The following HUWE1 variants were observed in gnomAD, a reference collection of about 807,000 sequenced individuals.
HUWE1 encodes the protein E3 ubiquitin-protein ligase HUWE1.
HUWE1 carries 18 observed loss-of-function variants against 299.4 expected under a neutral mutation model. The ratio of observed to expected loss-of-function variants is 0.06; its 90% CI spans 0.04 to 0.09. The LOEUF is 0.09. HUWE1 is among the 10% of genes least tolerant of loss of function. The pLI is 1.00. For missense variants in HUWE1, 1,832 were observed against 3,462.3 expected, an observed-to-expected ratio of 0.53 and a Z score of 11.82; for synonymous variants, 1,317 against 1,286.1, an observed-to-expected ratio of 1.02 and a Z score of -0.51.
intron 7 of HUWE1, among the ~76,000 whole-genome samples, chrX:53,636,445 C>T (rs781933452): frequency 5.3e-5 from 6 of 112,927 alleles, no homozygotes; most frequent in South Asian, 7.3e-4. Context: ...CGGCCAGGTG[C>T]GGTGGCTCAT....
At chrX:53,581,063 C>T in intron 42 of HUWE1, 37 bp from the exon 43 acceptor site, 2 of 1,089,772 alleles carry the variant, frequency 1.8e-6, no homozygotes, top group Non-Finnish European at 1.2e-6. Flanking sequence ...CGATTAAACA[C>T]TACTTTCTAA....
intron 35 of HUWE1, 120 bp from the exon 36 acceptor site, chrX:53,589,936 G>T: frequency 1.3e-6 from 1 of 777,739 alleles, no homozygotes; most frequent in Non-Finnish European, 1.9e-6. Context: ...TCCTCAAGCG[G>T]TTGATACTTT....
At chrX:53,662,300 A>G (rs1280965510) in intron 3 of HUWE1, among the ~76,000 whole-genome samples, 1 of 112,002 alleles carries the variant, frequency 8.9e-6, no homozygotes, top group Non-Finnish European at 1.9e-5. Flanking sequence ...GCATAACCGC[A>G]GACAAATCCA....
intron 7 of HUWE1, among the ~76,000 whole-genome samples, chrX:53,640,956 G>A (rs781807535): frequency 8.9e-6 from 1 of 112,073 alleles, no homozygotes; most frequent in South Asian, 3.7e-4. Flanking sequence ...TGTGAATTCT[G>A]TCAGATGCTA....
intron 29 of HUWE1, among the ~76,000 whole-genome samples, chrX:53,595,783 G>T (rs2064427598): frequency 1.8e-5 from 2 of 111,831 alleles, no homozygotes; most frequent in Admixed American, 9.5e-5. Flanking sequence ...GATAAGAAAA[G>T]ATCACTGACA....
chrX:53,626,216 C>CGTGT (rs58080331), intron 17 of HUWE1, among the ~76,000 whole-genome samples: 1,239 of 94,912 alleles, frequency 0.013, 16 homozygotes, highest in African/African-American at 0.046. Context: ...CATACATACA[C>CGTGT]GTGTGTGTGT....
At chrX:53,626,802 G>A (rs1797448342) in intron 17 of HUWE1, among the ~76,000 whole-genome samples, 1 of 111,378 alleles carries the variant, frequency 9.0e-6, no homozygotes, top group Non-Finnish European at 1.9e-5. Flanking sequence ...AAGTAGCCGG[G>A]ACCACAGGTG....
At chrX:53,542,642 A>C (rs2061390861) in intron 73 of HUWE1, 103 bp from the exon 74 acceptor site, 2 of 575,403 alleles carry the variant, frequency 3.5e-6, no homozygotes, top group African/African-American at 2.2e-5. Context: ...GAGCTTGCAA[A>C]GAAGCTTCCC....
intron 4 of HUWE1, among the ~76,000 whole-genome samples, chrX:53,653,621 CAGTAATAAAGA>C (rs2068603903): frequency 8.9e-6 from 1 of 112,367 alleles, no homozygotes; most frequent in South Asian, 3.7e-4. Flanking sequence ...GATTAAGAAT[CAGTAATAAAGA>C]CAAGCTAAAA....
intron 24 of HUWE1, among the ~76,000 whole-genome samples, chrX:53,608,340 A>G (rs1217694450): frequency 9.5e-6 from 1 of 104,753 alleles, no homozygotes; most frequent in Non-Finnish European, 2.0e-5. Context: ...AAGTAATGGG[A>G]AAAAAGGGGG....
rs1557041753 is a variant in HUWE1 at position 53,654,135 on chromosome X, A to G, written c.-24-4T>C. ...TTTCAATTTTCAGCTTTACGATCTG[A>G]AAAAAGAAAATCCCAAAAGAAGTGA... On this transcript the variant is annotated splice_region_variant and splice_polypyrimidine_tract_variant and intron_variant, in intron 3 of 83. Transcript: ENST00000262854. 9.2e-7 allele frequency: 1 copy of G among 1,092,778 alleles called. No homozygotes were observed. The highest frequency in any genetic ancestry group is 1.3e-6 in the Non-Finnish European group (1 of 793,771). The allele number at this position is 1,092,778 out of a possible 1,213,427, so 90.1% of individuals were successfully genotyped here.
At chrX:53,578,312 G>T (rs1401204170) in intron 43 of HUWE1, among the ~76,000 whole-genome samples, 3 of 109,275 alleles carry the variant, frequency 2.7e-5, no homozygotes, top group Non-Finnish European at 5.8e-5. Context: ...TGGGAAGTGA[G>T]GAGCGTCTCC....
At chrX:53,623,604 CTATCCAGCACTG>C (rs1243962324) in intron 19 of HUWE1, among the ~76,000 whole-genome samples, 3 of 111,633 alleles carry the variant, frequency 2.7e-5, no homozygotes, top group African/African-American at 9.8e-5. Flanking sequence ...ATTCTTATTT[CTATCCAGCACTG>C]TATCAGAAAT....
intron 3 of HUWE1, among the ~76,000 whole-genome samples, chrX:53,670,739 G>A (rs2069483067): frequency 8.9e-6 from 1 of 111,783 alleles, no homozygotes; most frequent in African/African-American, 3.3e-5. Context: ...ACTCCAGATT[G>A]GGTTAACAAA....
chrX:53,657,431 CAGG>C (rs1334703989), intron 3 of HUWE1, among the ~76,000 whole-genome samples: 1 of 111,801 alleles, frequency 8.9e-6, no homozygotes, highest in African/African-American at 3.3e-5. Flanking sequence ...GAGGCTGAGG[CAGG>C]AGAATTGCTT....
chrX:53,675,723 A>G (rs1318796620), intron 3 of HUWE1, among the ~76,000 whole-genome samples: 1 of 111,778 alleles, frequency 8.9e-6, no homozygotes, highest in Non-Finnish European at 1.9e-5. Context: ...TATACTTTAG[A>G]TATTATGTGT....
intron 47 of HUWE1, among the ~76,000 whole-genome samples, chrX:53,570,813 C>T (rs1317066004): frequency 8.9e-6 from 1 of 112,085 alleles, no homozygotes; most frequent in Non-Finnish European, 1.9e-5. Context: ...TACTAAATGC[C>T]ACTCAACAGT....
intron 80 of HUWE1, 167 bp downstream of exon 80, chrX:53,535,980 G>T: frequency 1.5e-5 from 5 of 330,805 alleles, no homozygotes; most frequent in Admixed American, 4.3e-5. Context: ...TGCAAATTCT[G>T]GTTTTCCTGT....
intron 30 of HUWE1, among the ~76,000 whole-genome samples, chrX:53,594,898 A>C (rs1367113856): frequency 5.4e-5 from 6 of 111,787 alleles, no homozygotes; most frequent in Non-Finnish European, 9.4e-5. Context: ...TCCAAAACCC[A>C]AAAAATTCCA....
Sources: gnomAD v4.1 joint callset for allele counts (sites outside exome capture counted in the v4.1 genomes callset) on GRCh38, gnomAD v4.1.1 for gene constraint, MANE v1.5 for transcripts, NCBI Gene and HGNC (gene_info 2026-07-23, HGNC 2026-07-21) for gene names.